The following IRGM variants were observed in gnomAD, a reference collection of about 807,000 sequenced individuals.
The protein encoded by IRGM is immunity related GTPase M.
For missense variants in IRGM, 288 were observed against 219.9 expected (o/e 1.31, Z -1.96); for synonymous variants, 98 against 80.6 (o/e 1.22, Z -1.16).
chr5:150,896,510 A>G, intron 3 of IRGM: 2 of 1,613,612 alleles, frequency 1.2e-6, no homozygotes, highest in African/African-American at 2.7e-5. Context: ...CACACTGATT[A>G]TCATCAAAAG....
chr5:150,896,941 A>G lies in IRGM; in HGVS notation c.*141-3648A>G. 1 of 1,612,738 alleles carries G rather than the reference A, an allele frequency of 6.2e-7. No individual in the cohort carries two copies. The highest frequency in any genetic ancestry group is 8.5e-7 in the Non-Finnish European group (1 of 1,179,338). On this transcript the variant is annotated intron_variant and NMD_transcript_variant, in intron 3 of 3. Transcript: ENST00000520549. ...TGGAAGGAAACTGTCCCCAAAATAC[A>G]TGACTGGGAGTTGTGAAGGTTACTC...
At chr5:150,895,978 T>C (rs1754753617) in intron 3 of IRGM, 1 of 1,613,428 alleles carries the variant, frequency 6.2e-7, no homozygotes, top group African/African-American at 1.3e-5. Context: ...AGGTGGGACT[T>C]CTCACAGAAG....
intron 1 of IRGM, among the ~76,000 whole-genome samples, chr5:150,870,646 T>C (rs901889551): frequency 6.6e-6 from 1 of 152,052 alleles, no homozygotes; most frequent in African/African-American, 2.4e-5. Flanking sequence ...ATGAGATTTT[T>C]TTCCTGGTCC....
intron 3 of IRGM, chr5:150,894,800 C>CAA (rs1328394111): frequency 6.6e-6 from 1 of 152,302 alleles, no homozygotes; most frequent in Non-Finnish European, 1.5e-5. Context: ...TTTTCAGCTC[C>CAA]AAGTTCCCAG....
At chr5:150,897,970 T>C in intron 3 of IRGM, 1 of 1,486,266 alleles carries the variant, frequency 6.7e-7, no homozygotes, top group South Asian at 1.4e-5. Flanking sequence ...ATTCTCAGCA[T>C]AGAAGCAAAG....
chr5:150,898,362 A>G, intron 3 of IRGM: 1 of 1,611,954 alleles, frequency 6.2e-7, no homozygotes, highest in Non-Finnish European at 8.5e-7. Context: ...CAATCTAATC[A>G]CAGCAACTAG....
intron 1 of IRGM, among the ~76,000 whole-genome samples, chr5:150,876,964 GATTT>G (rs1485086794): frequency 1.4e-5 from 2 of 141,356 alleles, no homozygotes; most frequent in Non-Finnish European, 3.0e-5. Flanking sequence ...CATCATATAA[GATTT>G]ATTGACTTTA....
intron 3 of IRGM, among the ~76,000 whole-genome samples, chr5:150,885,719 C>G (rs116015064): frequency 0.038 from 5,842 of 152,106 alleles, 181 homozygotes; most frequent in East Asian, 0.16. Context: ...CTTGGCTTGG[C>G]TGTTGTTGGT....
chr5:150,853,542 C>T (rs1754005957), downstream of IRGM, among the ~76,000 whole-genome samples: 1 of 152,172 alleles, frequency 6.6e-6, no homozygotes, highest in South Asian at 2.1e-4. Flanking sequence ...TTTGTTCTCT[C>T]CAATTTTATC....
intron 3 of IRGM, among the ~76,000 whole-genome samples, chr5:150,880,087 G>A (rs1010616765): frequency 1.3e-5 from 2 of 151,988 alleles, no homozygotes; most frequent in Non-Finnish European, 2.9e-5. Context: ...TCCTGTCTTT[G>A]GATTTATAAT....
intron 3 of IRGM, chr5:150,894,298 T>A (rs1229736523): frequency 6.6e-6 from 1 of 152,206 alleles, no homozygotes; most frequent in African/African-American, 2.4e-5. Flanking sequence ...ATACAGGCAT[T>A]ACTTCTCACA....
intron 2 of IRGM, among the ~76,000 whole-genome samples, chr5:150,879,157 A>G (rs561588593): frequency 1.2e-3 from 177 of 152,328 alleles, no homozygotes; most frequent in Non-Finnish European, 3.2e-4. Context: ...TAGATGCATA[A>G]GAAAAGGTAA....
At chr5:150,857,587 C>A (rs1447785123) in intron 1 of IRGM, among the ~76,000 whole-genome samples, 1 of 150,036 alleles carries the variant, frequency 6.7e-6, no homozygotes, top group African/African-American at 2.5e-5. Flanking sequence ...CTCTCCAGCA[C>A]CTGTTGTTTC....
At chr5:150,864,629 A>T (rs1754180133) in intron 1 of IRGM, among the ~76,000 whole-genome samples, 1 of 152,228 alleles carries the variant, frequency 6.6e-6, no homozygotes, top group African/African-American at 2.4e-5. Context: ...ACAGAATGGC[A>T]AATGGCAGAC....
Position 150,860,305 on chromosome 5 carries a change from A to G in IRGM, c.158+11651A>G, listed in dbSNP as rs571361386. Among the ~76,000 whole-genome samples, 23 of 152,332 alleles carry G rather than the reference A, an allele frequency of 1.5e-4. 1 individual carries two copies. The South Asian group carries it at 2.3e-3, about 15-fold the overall frequency. ...CCATTACAAGGAAAATTAATGCTCAAATTGTTTTATGAATAAGTGGTTTAT... is the reference window on the plus strand; with the variant it reads ...CCATTACAAGGAAAATTAATGCTCAGATTGTTTTATGAATAAGTGGTTTAT... On this transcript the variant is annotated intron_variant and NMD_transcript_variant, in intron 1 of 3. Coordinates refer to the IRGM transcript ENST00000520549.
chr5:150,859,291 T>A (rs1180246544), intron 1 of IRGM, among the ~76,000 whole-genome samples: 3 of 152,206 alleles, frequency 2.0e-5, no homozygotes, highest in Non-Finnish European at 4.4e-5. Context: ...TTGATCATGG[T>A]GGATAAGCTT....
At chr5:150,896,039 G>T (rs1304866036) in intron 3 of IRGM, 4 of 1,612,958 alleles carry the variant, frequency 2.5e-6, no homozygotes, top group Non-Finnish European at 3.4e-6. Context: ...TATGAGCTCT[G>T]TGGTGTATAA....
chr5:150,879,737 G>A (rs1247959499), intron 3 of IRGM: 1 of 152,226 alleles, frequency 6.6e-6, no homozygotes, highest in African/African-American at 2.4e-5. Flanking sequence ...AAAACATAGT[G>A]TGGGTCACAG....
At chr5:150,881,419 A>G (rs1447232380) in intron 3 of IRGM, among the ~76,000 whole-genome samples, 1 of 152,208 alleles carries the variant, frequency 6.6e-6, no homozygotes, top group Non-Finnish European at 1.5e-5. Flanking sequence ...TGGCTTTCCC[A>G]GACAAACAAA....
Sources: allele counts gnomAD v4.1 joint callset (sites outside exome capture counted in the v4.1 genomes callset), GRCh38; gene constraint gnomAD v4.1.1; transcripts MANE v1.5; gene names NCBI Gene and HGNC (gene_info 2026-07-23, HGNC 2026-07-21).